RGS6: variants seen among roughly 807,000 people sequenced by gnomAD.
The protein encoded by RGS6 is regulator of G protein signaling 6, also known as regulator of G-protein signaling 6.
Under a neutral mutation model 78.5 loss-of-function variants are expected in RGS6, and 30 were observed. That is an observed-to-expected ratio of 0.38 (90% CI 0.29 to 0.52). The LOEUF is 0.52. Ranked by LOEUF, RGS6 falls within the 20% of genes least tolerant of loss-of-function variation. RGS6 has a pLI of 0.85. For missense variants in RGS6, 495 were observed against 609.7 expected (o/e 0.81, Z 1.98); for synonymous variants, 206 against 206.0 (o/e 1.00, Z 0.00).
At chr14:72,469,886 G>A (rs1041572883) in intron 7 of RGS6, 121 bp from the exon 8 acceptor site, 2 of 691,308 alleles carry the variant, frequency 2.9e-6, no homozygotes, top group African/African-American at 1.8e-5. Flanking sequence ...GGGATTTAAA[G>A]CAGGTCTTGC....
At chr14:72,490,474 A>G (rs1315939696) in intron 12 of RGS6, among the ~76,000 whole-genome samples, 7 of 152,228 alleles carry the variant, frequency 4.6e-5, no homozygotes. Context: ...CATACCTTGC[A>G]GGAGATTTAT....
chr14:71,889,606 G>T, the RGS6 span, among the ~76,000 whole-genome samples: 1 of 152,158 alleles, frequency 6.6e-6, no homozygotes, highest in Admixed American at 6.5e-5. Context: ...TAATTGAGTT[G>T]GGGGAGAGCT....
At chr14:71,991,946 A>G (rs972989854) in intron 2 of RGS6, among the ~76,000 whole-genome samples, 1 of 152,122 alleles carries the variant, frequency 6.6e-6, no homozygotes, top group Non-Finnish European at 1.5e-5. Flanking sequence ...TTCTAATAAA[A>G]CTTTATGAAA....
At chr14:72,275,406 A>G (rs992010003) in intron 2 of RGS6, among the ~76,000 whole-genome samples, 1 of 152,218 alleles carries the variant, frequency 6.6e-6, no homozygotes, top group Non-Finnish European at 1.5e-5. Flanking sequence ...CTAAGTATAC[A>G]CTGGAAGATT....
At chr14:72,072,468 C>A (rs925090409) in intron 2 of RGS6, among the ~76,000 whole-genome samples, 1 of 151,966 alleles carries the variant, frequency 6.6e-6, no homozygotes, top group Non-Finnish European at 1.5e-5. Flanking sequence ...CCACCATGCC[C>A]GGCTAATTTT....
intron 2 of RGS6, among the ~76,000 whole-genome samples, chr14:72,238,028 A>G (rs894174201): frequency 3.3e-5 from 5 of 152,034 alleles, no homozygotes; most frequent in Non-Finnish European, 7.4e-5. Flanking sequence ...GGTTCAAAAT[A>G]TGGAGATTTT....
intron 2 of RGS6, among the ~76,000 whole-genome samples, chr14:72,129,737 G>A (rs2238258): frequency 0.066 from 10,078 of 152,198 alleles, 413 homozygotes; most frequent in African/African-American, 0.11. Flanking sequence ...AAGCACAAAG[G>A]GAGAAGCTTC....
At chr14:71,974,996 A>T (rs1048816451) in intron 2 of RGS6, among the ~76,000 whole-genome samples, 2 of 151,628 alleles carry the variant, frequency 1.3e-5, no homozygotes, top group African/African-American at 2.4e-5. Flanking sequence ...GAAATAAAAT[A>T]AAAAAAAATT....
At chr14:72,426,935 C>T (rs1037614219) in intron 3 of RGS6, among the ~76,000 whole-genome samples, 1 of 152,238 alleles carries the variant, frequency 6.6e-6, no homozygotes, top group Non-Finnish European at 1.5e-5. Flanking sequence ...TGCACTTCTG[C>T]CTTGCTCTCT....
the RGS6 span, among the ~76,000 whole-genome samples, chr14:72,584,998 G>A: frequency 6.6e-6 from 1 of 152,154 alleles, no homozygotes; most frequent in African/African-American, 2.4e-5. Context: ...CATGCAGTCA[G>A]GAGCTAGATG....
chr14:72,089,387 C>T (rs1297907131), intron 2 of RGS6, among the ~76,000 whole-genome samples: 1 of 152,228 alleles, frequency 6.6e-6, no homozygotes, highest in African/African-American at 2.4e-5. Context: ...CAGTAGTGTA[C>T]ATTTCAGTGA....
At chr14:72,035,982 C>T (rs905879475) in intron 2 of RGS6, among the ~76,000 whole-genome samples, 2 of 151,956 alleles carry the variant, frequency 1.3e-5, no homozygotes, top group African/African-American at 4.8e-5. Flanking sequence ...GTTCCGTCAC[C>T]CCAGAGAACT....
intron 2 of RGS6, among the ~76,000 whole-genome samples, chr14:72,289,605 C>T (rs575670029): frequency 5.2e-4 from 79 of 152,292 alleles, no homozygotes; most frequent in African/African-American, 1.1e-3. Context: ...GAGGTAGTTA[C>T]TACTACCTTT....
At chr14:72,278,600 A>T (rs899141858) in intron 2 of RGS6, among the ~76,000 whole-genome samples, 1 of 152,194 alleles carries the variant, frequency 6.6e-6, no homozygotes, top group East Asian at 1.9e-4. Context: ...CCACGTACAT[A>T]CATATACATT....
intron 16 of RGS6, among the ~76,000 whole-genome samples, chr14:72,539,219 C>T (rs1036259107): frequency 9.9e-5 from 15 of 152,190 alleles, no homozygotes; most frequent in Non-Finnish European, 2.1e-4. Context: ...GGCTTTGCCT[C>T]TCCTCGCTCC....
At chr14:71,996,145 G>A (rs964912486) in intron 2 of RGS6, among the ~76,000 whole-genome samples, 16 of 134,534 alleles carry the variant, frequency 1.2e-4, no homozygotes, top group Non-Finnish European at 1.3e-4. Context: ...TCGGGTGTTC[G>A]TTAGAAGTGT....
intron 2 of RGS6, among the ~76,000 whole-genome samples, chr14:72,337,888 G>A (rs1018525518): frequency 2.0e-5 from 3 of 152,180 alleles, no homozygotes; most frequent in African/African-American, 7.2e-5. Context: ...GTCACCCAGG[G>A]TTTCTTCTTA....
Position 72,197,616 on chromosome 14 carries a change from G to A in RGS6, c.85-154479G>A, listed in dbSNP as rs75098990. ...TAGTATTTTTAAAAATTAAAATTGTGACAAAATTTAGGAATCAGTAATTAT... is the reference window on the plus strand; with the variant it reads ...TAGTATTTTTAAAAATTAAAATTGTAACAAAATTTAGGAATCAGTAATTAT... On this transcript the variant is annotated intron_variant, in intron 2 of 17. Transcript: ENST00000553525. 4.4e-3 allele frequency among the ~76,000 whole-genome samples: 673 copies of A among 152,244 alleles called. 10 individuals are homozygous for A. The highest frequency in any genetic ancestry group is 0.016 in the African/African-American group (655 of 41,554).
intron 2 of RGS6, among the ~76,000 whole-genome samples, chr14:72,295,248 G>T (rs544019146): frequency 1.4e-5 from 2 of 147,512 alleles, no homozygotes; most frequent in East Asian, 4.0e-4. Context: ...CCGAGATCCC[G>T]CCACTGCACT....
Sources: allele counts gnomAD v4.1 joint callset (sites outside exome capture counted in the v4.1 genomes callset), GRCh38; gene constraint gnomAD v4.1.1; transcripts MANE v1.5; gene names NCBI Gene and HGNC (gene_info 2026-07-23, HGNC 2026-07-21).